Variants in STPG1 observed in about 807,000 individuals in gnomAD.
The protein encoded by STPG1 is O(6)-methylguanine-induced apoptosis 2.
A neutral mutation model predicts 40.1 loss-of-function variants in STPG1; 33 were observed. That is an observed-to-expected ratio of 0.82 (90% CI 0.62 to 1.10). STPG1 has a LOEUF of 1.10. Among genes scored for constraint, STPG1 ranks in the 50% least tolerant of loss-of-function variants. The probability of loss-of-function intolerance (pLI) is 0.00; values close to 1 mark genes in which losing one functional copy is unlikely to be tolerated. For synonymous variants in STPG1, 150 were observed against 155.0 expected (o/e 0.97, Z 0.24); for missense variants, 396 against 415.1 (o/e 0.95, Z 0.40).
intron 1 of STPG1, among the ~76,000 whole-genome samples, chr1:24,407,388 T>C (rs2148716513): frequency 6.6e-6 from 1 of 152,168 alleles, no homozygotes; most frequent in South Asian, 2.1e-4. Flanking sequence ...TTAAGTCTCT[T>C]TTCTCTCTGT....
In STPG1 at chr1:24,358,519, T is replaced by G. The variant is rs1173950048; in HGVS notation, c.*24A>C. The G allele has an allele frequency of 6.3e-7, 1 of 1,598,514 alleles. No individual in the cohort carries two copies. The highest frequency in any genetic ancestry group is 8.6e-7 in the Non-Finnish European group (1 of 1,165,726). ...GGCAGGGTGGGCTGGTGGCTGGAGT[T>G]CTCCTTGACCTTGTGTGACATCCCT... On this transcript the variant is annotated 3_prime_UTR_variant, in exon 9 of 9. Coordinates refer to ENST00000337248, the MANE Select transcript of STPG1 (RefSeq NM_001199013.2).
chr1:24,406,732 G>C (rs1019869289), intron 1 of STPG1, among the ~76,000 whole-genome samples: 2 of 152,046 alleles, frequency 1.3e-5, no homozygotes, highest in Admixed American at 1.3e-4. Context: ...TTTCTGATGA[G>C]AAGTCCACTG....
chr1:24,358,068 C>T lies in STPG1; in HGVS notation c.*475G>A, dbSNP rs915807175. On this transcript the variant is annotated 3_prime_UTR_variant, in exon 9 of 9. Coordinates refer to ENST00000337248, the MANE Select transcript of STPG1 (RefSeq NM_001199013.2). ...TAGACATACCGTAAGTGAGTGAGGT[C>T]AGAAAGGGACAAATGAGAAAGGCAG... is the stretch of plus-strand genomic sequence containing the variant. 3.7e-5 allele frequency: 14 copies of T among 381,182 alleles called. No homozygotes were observed. Among genetic ancestry groups the T allele is most frequent in the African/African-American group, 2.7e-4 (13 of 47,914 alleles). 23.6% of individuals were successfully genotyped at this position (381,182 alleles called of 1,614,324 possible).
intron 4 of STPG1, among the ~76,000 whole-genome samples, chr1:24,382,222 G>A (rs985561432): frequency 3.3e-5 from 5 of 152,190 alleles, no homozygotes; most frequent in Non-Finnish European, 7.3e-5. Flanking sequence ...AACCAATCGT[G>A]TCCTCTGATT....
intron 4 of STPG1, among the ~76,000 whole-genome samples, chr1:24,381,032 C>A (rs187259157): frequency 6.6e-6 from 1 of 152,108 alleles, no homozygotes; most frequent in Non-Finnish European, 1.5e-5. Flanking sequence ...ATCCTCAGGA[C>A]AACCCTGAGC....
intron 7 of STPG1, among the ~76,000 whole-genome samples, chr1:24,367,394 G>T (rs1206153052): frequency 6.6e-6 from 1 of 152,202 alleles, no homozygotes; most frequent in South Asian, 2.1e-4. Context: ...CATTTTCCTT[G>T]AAGAAGCTTC....
At chr1:24,412,437 G>C (rs1448771070) in intron 1 of STPG1, among the ~76,000 whole-genome samples, 1 of 152,088 alleles carries the variant, frequency 6.6e-6, no homozygotes, top group Non-Finnish European at 1.5e-5. Context: ...CCCTTACTCT[G>C]CTTTATCTTT....
At chr1:24,382,094 T>C (rs1642310432) in intron 4 of STPG1, among the ~76,000 whole-genome samples, 1 of 152,212 alleles carries the variant, frequency 6.6e-6, no homozygotes, top group Non-Finnish European at 1.5e-5. Context: ...CTGAATTTTT[T>C]AAAGGCCTGA....
chr1:24,363,047 T>G (rs1641224319), intron 7 of STPG1, among the ~76,000 whole-genome samples: 1 of 152,222 alleles, frequency 6.6e-6, no homozygotes, highest in Non-Finnish European at 1.5e-5. Context: ...GTTTGATTCC[T>G]GGAAATTACA....
chr1:24,387,473 G>C (rs1297091737), intron 3 of STPG1, among the ~76,000 whole-genome samples: 1 of 152,104 alleles, frequency 6.6e-6, no homozygotes, highest in Non-Finnish European at 1.5e-5. Flanking sequence ...GGCATAAGAC[G>C]AGCTGTGGGA....
At chr1:24,391,949 G>T in intron 2 of STPG1, 3 of 1,137,912 alleles carry the variant, frequency 2.6e-6, no homozygotes, top group Non-Finnish European at 3.2e-6. Flanking sequence ...CCGGAGAAAA[G>T]GAAGGAGATG....
At chr1:24,367,168 G>A (rs980952559) in intron 7 of STPG1, among the ~76,000 whole-genome samples, 23 of 152,172 alleles carry the variant, frequency 1.5e-4, no homozygotes, top group Admixed American at 1.4e-3. Flanking sequence ...CTTCGAGGCT[G>A]TTCCCAGATG....
At chr1:24,368,156 C>A (rs573285450) in intron 7 of STPG1, among the ~76,000 whole-genome samples, 1 of 152,334 alleles carries the variant, frequency 6.6e-6, no homozygotes, top group Admixed American at 6.5e-5. Context: ...GCCTGCAGAG[C>A]CCTAGACCTG....
intron 3 of STPG1, among the ~76,000 whole-genome samples, chr1:24,385,824 C>G (rs1642482058): frequency 6.6e-6 from 1 of 152,196 alleles, no homozygotes; most frequent in Non-Finnish European, 1.5e-5. Context: ...GAGCAAGTCA[C>G]CTCTCTGGGC....
intron 1 of STPG1, among the ~76,000 whole-genome samples, chr1:24,402,829 T>A (rs2148713262): frequency 1.3e-5 from 2 of 152,012 alleles, no homozygotes; most frequent in East Asian, 3.9e-4. Context: ...ATTTATTGAG[T>A]TGTACAAGTT....
chr1:24,407,443 ATTTTT>A (rs71029547), intron 1 of STPG1, among the ~76,000 whole-genome samples: 1 of 130,958 alleles, frequency 7.6e-6, no homozygotes, highest in Non-Finnish European at 1.6e-5. Context: ...AAGTTCACTG[ATTTTT>A]TTTTTTTTTT....
At chr1:24,396,721 A>G (rs1169980682) in intron 2 of STPG1, among the ~76,000 whole-genome samples, 2 of 152,242 alleles carry the variant, frequency 1.3e-5, no homozygotes, top group East Asian at 3.8e-4. Flanking sequence ...ATAGGCTAAC[A>G]AAGGAGATAA....
At chr1:24,395,353 T>C (rs532257264) in intron 2 of STPG1, among the ~76,000 whole-genome samples, 4 of 149,624 alleles carry the variant, frequency 2.7e-5, no homozygotes, top group Non-Finnish European at 5.9e-5. Context: ...CTGAATCACA[T>C]AAAGGAATGA....
chr1:24,364,390 A>G (rs1226783638), intron 7 of STPG1: 1 of 1,522,978 alleles, frequency 6.6e-7, no homozygotes, highest in Non-Finnish European at 8.8e-7. Flanking sequence ...CCTGGAGGAG[A>G]GGTGGAAGGA....
Sources: allele counts gnomAD v4.1 joint callset (sites outside exome capture counted in the v4.1 genomes callset), GRCh38; gene constraint gnomAD v4.1.1; transcripts MANE v1.5; gene names NCBI Gene and HGNC (gene_info 2026-07-23, HGNC 2026-07-21).